CD81: variants seen among roughly 807,000 people sequenced by gnomAD.
CD81 encodes CD81 molecule.
Under a neutral mutation model 30.1 loss-of-function variants are expected in CD81, and 10 were observed. That is an observed-to-expected ratio of 0.33 (90% CI 0.21 to 0.56). CD81 has a LOEUF of 0.56. Among genes scored for constraint, CD81 ranks in the 20% least tolerant of loss-of-function variants. The probability of loss-of-function intolerance (pLI) is 0.89; values close to 1 mark genes in which losing one functional copy is unlikely to be tolerated. For missense variants in CD81, 263 were observed against 308.7 expected (o/e 0.85, Z 1.11); for synonymous variants, 147 against 126.4 (o/e 1.16, Z -1.10).
intron 1 of CD81, among the ~76,000 whole-genome samples, chr11:2,379,797 C>T (rs970163779): frequency 8.5e-5 from 13 of 152,132 alleles, no homozygotes; most frequent in South Asian, 4.1e-4. Context: ...GAACTGAGTC[C>T]GTCCACAGTC....
chr11:2,394,272 G>C, intron 3 of CD81, 80 bp downstream of exon 3: 1 of 925,244 alleles, frequency 1.1e-6, no homozygotes, highest in Admixed American at 1.9e-5. Flanking sequence ...GGGCAGAGCT[G>C]GTGCTCAGGG....
At chr11:2,386,653 C>A in intron 1 of CD81, 1 of 716,336 alleles carries the variant, frequency 1.4e-6, no homozygotes, top group South Asian at 1.5e-5. Context: ...AGGCCTCTGC[C>A]CAGTGCCTGG....
intron 1 of CD81, among the ~76,000 whole-genome samples, chr11:2,379,547 A>C (rs1420306128): frequency 6.7e-6 from 1 of 150,354 alleles, no homozygotes; most frequent in Non-Finnish European, 1.5e-5. Flanking sequence ...ACTTCTCCGG[A>C]GGTGGATTTT....
chr11:2,377,703 G>A lies in CD81; in HGVS notation c.66+88G>A. 1 of 851,494 alleles carries A rather than the reference G, an allele frequency of 1.2e-6. No individual in the cohort carries two copies. Among genetic ancestry groups the A allele is most frequent in the Non-Finnish European group, 1.7e-6 (1 of 605,120 alleles). 52.7% of individuals were successfully genotyped at this position (851,494 alleles called of 1,614,324 possible). On this transcript the variant is annotated intron_variant, in intron 1 of 7. Coordinates refer to ENST00000263645, the MANE Select transcript of CD81 (RefSeq NM_004356.4). This position sits in a 1 kb window ranked among gnomAD's most constrained non-coding sequence, Gnocchi z 7.7. ...CCCGCGGCAGCGTGCTAGGCCCCGC[G>A]GGCGCAGCGCGGGCCGCGAAGTTGT...
intron 1 of CD81, among the ~76,000 whole-genome samples, chr11:2,380,535 C>T (rs1435242326): frequency 2.6e-5 from 4 of 152,256 alleles, no homozygotes; most frequent in South Asian, 2.1e-4. Context: ...GCGCCCTGAC[C>T]GCTTTGGGGG....
At chr11:2,389,351 G>T (rs1302149247) in intron 1 of CD81, among the ~76,000 whole-genome samples, 2 of 152,196 alleles carry the variant, frequency 1.3e-5, no homozygotes, top group Admixed American at 6.5e-5. Context: ...ACCAGGGACA[G>T]CAGAGGACAA....
chr11:2,383,437 GCCCCC>G (rs1394264606), intron 1 of CD81, among the ~76,000 whole-genome samples: 2 of 152,136 alleles, frequency 1.3e-5, no homozygotes, highest in Non-Finnish European at 2.9e-5. Context: ...TTCACCTCCG[GCCCCC>G]AGCGTCCCTT....
rs1849626607 is a variant in CD81 at position 2,377,897 on chromosome 11, G to A, written c.66+282G>A. 1 of 200,194 alleles carries A rather than the reference G, an allele frequency of 5.0e-6. No homozygotes were observed. 12.4% of individuals were successfully genotyped at this position (200,194 alleles called of 1,614,324 possible). On this transcript the variant is annotated intron_variant, in intron 1 of 7. Coordinates refer to ENST00000263645, the MANE Select transcript of CD81 (RefSeq NM_004356.4). This position sits in a 1 kb window ranked among gnomAD's most constrained non-coding sequence, Gnocchi z 7.7. The stretch of plus-strand genomic sequence containing the variant: ...GGGGCCGCCGGGCAGTTCCCGCTGT[G>A]GTGGTGATGGGTGCGGTGGTCGCGG...
At chr11:2,394,846 C>A in intron 3 of CD81, 126 bp from the exon 4 acceptor site, 1 of 849,142 alleles carries the variant, frequency 1.2e-6, no homozygotes, top group Non-Finnish European at 2.0e-6. Flanking sequence ...CACTCCTGGT[C>A]AGGTCGTGGG....
chr11:2,394,053 G>C (rs776067002), intron 2 of CD81, 42 bp from the exon 3 acceptor site: 31 of 1,478,862 alleles, frequency 2.1e-5, no homozygotes, highest in Non-Finnish European at 9.5e-7. Flanking sequence ...TTGGGCTGTG[G>C]CGAGTGTGTA....
chr11:2,382,860 A>T (rs1270093322), intron 1 of CD81, among the ~76,000 whole-genome samples: 1 of 152,140 alleles, frequency 6.6e-6, no homozygotes, highest in African/African-American at 2.4e-5. Context: ...CTCCTTCCCG[A>T]GTGGGACCCC....
Position 2,395,948 on chromosome 11 carries a change from ACAT to A in CD81, c.545_547del (p.Ile182del). ...AACAATTTGTGTCCCTCGGGCAGCA[ACAT>A]CATCAGCAACCTCTTCAAGGTGCGC... is the stretch of plus-strand genomic sequence containing the variant. On this transcript the variant is annotated inframe_deletion, in exon 6 of 8. Transcript: ENST00000263645. The A allele has an allele frequency of 6.2e-7, 1 of 1,611,554 alleles. No individual in the cohort carries two copies. Among genetic ancestry groups the A allele is most frequent in the Non-Finnish European group, 8.5e-7 (1 of 1,178,990 alleles).
At chr11:2,381,295 C>T (rs1849700677) in intron 1 of CD81, among the ~76,000 whole-genome samples, 1 of 152,262 alleles carries the variant, frequency 6.6e-6, no homozygotes, top group African/African-American at 2.4e-5. Flanking sequence ...TCCCCGGTCG[C>T]CCCTGTGGCT....
At chr11:2,387,933 A>G (rs1849825458) in intron 1 of CD81, among the ~76,000 whole-genome samples, 1 of 152,242 alleles carries the variant, frequency 6.6e-6, no homozygotes, top group Non-Finnish European at 1.5e-5. Flanking sequence ...ACCACAGCCC[A>G]GGTTGTTGTT....
Position 2,377,628 on chromosome 11 carries a change from C to A in CD81, c.66+13C>A. On this transcript the variant is annotated intron_variant, in intron 1 of 7. Coordinates refer to ENST00000263645, the MANE Select transcript of CD81 (RefSeq NM_004356.4). The surrounding 1 kb of genome is among the most constrained non-coding windows in gnomAD (Gnocchi z 7.7). ...TTTCGTCTTCTGGGTAAGGGCTGCG[C>A]CGGGGGCCGGGGCGGGAGGGGGCAG... The A allele has an allele frequency of 6.6e-7, 1 of 1,523,098 alleles. No homozygotes were observed. The highest frequency in any genetic ancestry group is 8.9e-7 in the Non-Finnish European group (1 of 1,125,322). The allele number at this position is 1,523,098 out of a possible 1,614,324, so 94.3% of individuals were successfully genotyped here.
At position 2,397,200 on chromosome 11, in the gene CD81, T is replaced by A. The variant is rs1049549; in HGVS notation, c.*334T>A. On this transcript the variant is annotated 3_prime_UTR_variant, in exon 8 of 8. Transcript: ENST00000263645. ...CGCCCAGAGACTCAGCTTGGCCAACTTGGGGGGCTGTGTCCACCCAGCCCG... is the reference window on the plus strand; with the variant it reads ...CGCCCAGAGACTCAGCTTGGCCAACATGGGGGGCTGTGTCCACCCAGCCCG... The A allele has an allele frequency of 2.4e-6, 1 of 420,888 alleles. No individual in the cohort carries two copies. The highest frequency in any genetic ancestry group is 2.2e-5 in the South Asian group (1 of 45,366). The allele number at this position is 420,888 out of a possible 1,614,324, so 26.1% of individuals were successfully genotyped here. A position where few individuals can be genotyped will look rare whatever the true frequency, so the allele number is the denominator to read the frequency against.
intron 1 of CD81, among the ~76,000 whole-genome samples, chr11:2,389,121 G>A (rs1324753200): frequency 6.6e-6 from 1 of 152,128 alleles, no homozygotes; most frequent in African/African-American, 2.4e-5. Flanking sequence ...AGAGTCCCCA[G>A]GCTGCTAGAG....
At chr11:2,396,222 C>T in intron 6 of CD81, 2 of 586,820 alleles carry the variant, frequency 3.4e-6, no homozygotes, top group Non-Finnish European at 6.1e-6. Flanking sequence ...TCACCTGCAC[C>T]CCCAGCTCCA....
chr11:2,386,108 G>A (rs760448573), intron 1 of CD81: 18 of 717,294 alleles, frequency 2.5e-5, no homozygotes, highest in East Asian at 5.4e-5. Flanking sequence ...CACTGGGTGC[G>A]CTCGGCATGT....
Sources: allele counts gnomAD v4.1 joint callset (sites outside exome capture counted in the v4.1 genomes callset), GRCh38; gene constraint gnomAD v4.1.1; non-coding constraint Gnocchi (gnomAD v3.1); transcripts MANE v1.5; gene names NCBI Gene and HGNC (gene_info 2026-07-23, HGNC 2026-07-21).